Variants in NR3C1 observed in about 807,000 individuals in gnomAD.
The protein encoded by NR3C1 is nuclear receptor subfamily 3 group C member 1.
Under a neutral mutation model 74.0 loss-of-function variants are expected in NR3C1, and 14 were observed. The observed-to-expected ratio is 0.19, with a 90% CI of 0.12 to 0.30. NR3C1 has a LOEUF of 0.30. NR3C1 is among the 10% of genes least tolerant of loss of function. The pLI is 1.00. For synonymous variants in NR3C1, 308 were observed against 332.5 expected (o/e 0.93, Z 0.80); for missense variants, 695 against 909.8 (o/e 0.76, Z 3.04).
At position 143,400,384 on chromosome 5, in the gene NR3C1, T is replaced by G. The variant is rs1355425923; in HGVS notation, c.456A>C (p.Thr152=). ...AGTGAGTTTTTGGAAACTCCTTCTC[T>G]GTGGGGGCAGCAGACACAGCAGTGG... ...SASTAVSAAP[T]EKEFPKTHSD... The change falls in exon 2 of 9, where the codon ACA becomes ACC. Residue 152 remains threonine, a synonymous_variant. Transcript: ENST00000394464. The G allele has an allele frequency of 1.2e-5, 20 of 1,614,108 alleles. No individual in the cohort carries two copies. Among genetic ancestry groups the G allele is most frequent in the Non-Finnish European group, 1.6e-5 (19 of 1,180,048 alleles).
intron 1 of NR3C1, among the ~76,000 whole-genome samples, chr5:143,425,808 A>C (rs1166843291): frequency 6.6e-6 from 1 of 152,220 alleles, no homozygotes; most frequent in Admixed American, 6.5e-5. Flanking sequence ...TGTGGAAAAC[A>C]TATTGGCAGT....
chr5:143,337,873 A>G (rs1827448568), intron 2 of NR3C1, among the ~76,000 whole-genome samples: 1 of 152,232 alleles, frequency 6.6e-6, no homozygotes, highest in South Asian at 2.1e-4. Flanking sequence ...CACATTTGTC[A>G]GGGCAGTGGT....
chr5:143,302,441 C>T (rs1041734744), intron 4 of NR3C1, among the ~76,000 whole-genome samples: 2 of 151,986 alleles, frequency 1.3e-5, no homozygotes, highest in South Asian at 4.1e-4. Flanking sequence ...ATAAAATGTA[C>T]TTTTGTTGAC....
intron 2 of NR3C1, among the ~76,000 whole-genome samples, chr5:143,325,592 C>T: frequency 6.6e-6 from 1 of 152,118 alleles, no homozygotes; most frequent in South Asian, 2.1e-4. Flanking sequence ...AATAGTGATG[C>T]TGGAATATTG....
intron 2 of NR3C1, among the ~76,000 whole-genome samples, chr5:143,344,962 C>A (rs893479114): frequency 1.1e-4 from 16 of 152,066 alleles, no homozygotes; most frequent in Non-Finnish European, 1.8e-4. Context: ...AGAGTTGGCT[C>A]GTTCTTCCCA....
At chr5:143,417,893 T>C (rs1457289819) in intron 1 of NR3C1, among the ~76,000 whole-genome samples, 1 of 152,204 alleles carries the variant, frequency 6.6e-6, no homozygotes. Flanking sequence ...AGTTTACATA[T>C]CACTGTGGGA....
upstream of NR3C1, among the ~76,000 whole-genome samples, chr5:143,407,697 T>A (rs775503629): frequency 9.2e-5 from 14 of 152,262 alleles, no homozygotes; most frequent in Non-Finnish European, 1.6e-4. Flanking sequence ...AACCACTTGA[T>A]ACATTGATTT....
At chr5:143,349,666 T>G (rs965813577) in intron 2 of NR3C1, among the ~76,000 whole-genome samples, 3 of 152,194 alleles carry the variant, frequency 2.0e-5, no homozygotes, top group Non-Finnish European at 4.4e-5. Flanking sequence ...CTTACCCTCT[T>G]CCTGTTCTCT....
intron 6 of NR3C1, among the ~76,000 whole-genome samples, chr5:143,296,025 A>G (rs949520270): frequency 9.2e-5 from 14 of 152,222 alleles, no homozygotes; most frequent in African/African-American, 3.4e-4. Context: ...AAAATGTGTG[A>G]CACTGTTCAC....
chr5:143,434,532 C>T (rs1752024938), exon 1 of NR3C1: 1 of 985,140 alleles, frequency 1.0e-6, no homozygotes, highest in African/African-American at 1.7e-5. Context: ...TATAACCTAC[C>T]TTCCTTCTCA....
At position 143,314,138 on chromosome 5, in the gene NR3C1, A is replaced by G. The variant is rs1288910171; in HGVS notation, c.1215T>C (p.Pro405=). ...TTGTTGCTGTTGAGGAGCTGGATGG[A>G]GGAGAGCTTACATCTGGTCTCATGC... ...SPSMRPDVSS[P]PSSSSTATTG... is the part of the protein sequence containing the mutation. The change falls in exon 3 of 9, where the codon CCT becomes CCC. Residue 405 remains proline, a synonymous_variant. Coordinates refer to ENST00000394464, the MANE Select transcript of NR3C1 (RefSeq NM_000176.3). The G allele has an allele frequency of 1.9e-6, 3 of 1,613,762 alleles. No individual in the cohort carries two copies. Among genetic ancestry groups the G allele is most frequent in the Non-Finnish European group, 2.5e-6 (3 of 1,179,770 alleles).
chr5:143,424,085 A>T (rs902284252), intron 1 of NR3C1, among the ~76,000 whole-genome samples: 1 of 131,328 alleles, frequency 7.6e-6, no homozygotes, highest in East Asian at 2.3e-4. Flanking sequence ...GGGGGGAGGG[A>T]TAGCATTGGG....
At chr5:143,322,772 T>C (rs1345879987) in intron 2 of NR3C1, among the ~76,000 whole-genome samples, 3 of 152,332 alleles carry the variant, frequency 2.0e-5, no homozygotes, top group East Asian at 3.9e-4. Context: ...ACCCCTTTCC[T>C]TCCCTCAAAG....
chr5:143,283,323 AC>A (rs1323860874), intron 7 of NR3C1, among the ~76,000 whole-genome samples: 1 of 152,234 alleles, frequency 6.6e-6, no homozygotes, highest in Non-Finnish European at 1.5e-5. Flanking sequence ...GAATTGGAGG[AC>A]TTAACCTTGA....
At chr5:143,318,664 G>T (rs1822687127) in intron 2 of NR3C1, among the ~76,000 whole-genome samples, 1 of 151,956 alleles carries the variant, frequency 6.6e-6, no homozygotes, top group Admixed American at 6.6e-5. Flanking sequence ...AGTCATTTTT[G>T]GGAAAACATC....
intron 2 of NR3C1, among the ~76,000 whole-genome samples, chr5:143,325,757 G>C (rs981471570): frequency 5.9e-5 from 9 of 152,144 alleles, no homozygotes; most frequent in African/African-American, 1.9e-4. Context: ...GCATACACTA[G>C]GGGTTTTGGA....
chr5:143,311,792 T>TG (rs1454543896), intron 3 of NR3C1, among the ~76,000 whole-genome samples: 32 of 149,962 alleles, frequency 2.1e-4, no homozygotes, highest in African/African-American at 7.4e-4. Context: ...GATAACGTTT[T>TG]TTTTTTTTTT....
intron 3 of NR3C1, among the ~76,000 whole-genome samples, 173 bp from the exon 4 acceptor site, chr5:143,310,386 A>G (rs1050580919): frequency 6.6e-6 from 1 of 152,220 alleles, no homozygotes; most frequent in Non-Finnish European, 1.5e-5. Context: ...AAAAACAACA[A>G]AAAGAGTCTC....
At chr5:143,301,709 A>G (rs878954892) in intron 4 of NR3C1, among the ~76,000 whole-genome samples, 1 of 152,146 alleles carries the variant, frequency 6.6e-6, no homozygotes, top group Non-Finnish European at 1.5e-5. Context: ...AATGTAATTT[A>G]TATCACGAAG....
Sources: gnomAD v4.1 joint callset for allele counts (sites outside exome capture counted in the v4.1 genomes callset) on GRCh38, gnomAD v4.1.1 for gene constraint, MANE v1.5 for transcripts, NCBI Gene and HGNC (gene_info 2026-07-23, HGNC 2026-07-21) for gene names.